The following ACAP1 variants were observed in gnomAD, a reference collection of about 807,000 sequenced individuals.
ACAP1 encodes arf-GAP with coiled-coil, ANK repeat and PH domain-containing protein 1.
ACAP1 carries 45 observed loss-of-function variants against 98.8 expected under a neutral mutation model. The observed-to-expected ratio is 0.46, with a 90% CI of 0.36 to 0.58. ACAP1 has a LOEUF of 0.58. Ranked by LOEUF, ACAP1 falls within the 20% of genes least tolerant of loss-of-function variation. The pLI is 0.00. For missense variants in ACAP1, 735 were observed against 971.4 expected (o/e 0.76, Z 3.24); for synonymous variants, 362 against 375.3 (o/e 0.96, Z 0.41).
At position 7,343,418 on chromosome 17, in the gene ACAP1, G is replaced by C. The variant is rs1207831242; in HGVS notation, c.384G>C (p.Trp128Cys). ...TCCGAGAGGCTCGCCGGGATTTCTGGCGGGGGGCTGAGAGCCTGGAGGCTG... is the reference window on the plus strand; with the variant it reads ...TCCGAGAGGCTCGCCGGGATTTCTGCCGGGGGGCTGAGAGCCTGGAGGCTG... ...RGFREARRDF[W>C]RGAESLEAAL... Residue 128 changes from tryptophan (W) to cysteine (C), a missense_variant, in exon 6 of 22, where the codon TGG (tryptophan) becomes TGC (cysteine). Trp to Cys is a radical substitution (Grantham distance 215). Around this residue, in one of 5 missense-constraint regions of ACAP1, gnomAD observed 430 missense variants for 531.8 expected, o/e 0.81. Coordinates refer to ENST00000158762, the MANE Select transcript of ACAP1 (RefSeq NM_014716.4). The surrounding 1 kb of genome is among the most constrained non-coding windows in gnomAD (Gnocchi z 4.9). The C allele has an allele frequency of 6.2e-7, 1 of 1,613,816 alleles. No homozygotes were observed. Among genetic ancestry groups the C allele is most frequent in the Admixed American group, 1.7e-5 (1 of 59,962 alleles).
In ACAP1 at chr17:7,344,076, C is replaced by T. The variant is rs971965782; in HGVS notation, c.697C>T (p.Arg233Ter). ...GCACCAGCTGGTCTTGAATTCAGCACGAGAGAAGAGGGACATGGAGCAGAG... is the reference window on the plus strand; with the variant it reads ...GCACCAGCTGGTCTTGAATTCAGCATGAGAGAAGAGGGACATGGAGCAGAG... ...QLHQLVLNSAREKRDMEQRHV... is the reference protein window; with the variant it reads ...QLHQLVLNSA Residue 233 changes from arginine (R) to a stop codon, truncating the protein, a stop_gained, in exon 9 of 22, where the codon CGA (arginine) becomes TGA (stop). Coordinates refer to ENST00000158762, the MANE Select transcript of ACAP1 (RefSeq NM_014716.4). LOFTEE classifies it high-confidence loss of function. The surrounding 1 kb of genome is among the most constrained non-coding windows in gnomAD (Gnocchi z 4.9). 12 of 1,592,888 alleles carry T rather than the reference C, an allele frequency of 7.5e-6. No homozygotes were observed. Among genetic ancestry groups the T allele is most frequent in the Non-Finnish European group, 1.0e-5 (12 of 1,169,172 alleles).
At position 7,350,252 on chromosome 17, in the gene ACAP1, A is replaced by G. The variant is rs768596770; in HGVS notation, c.2072+15A>G. On this transcript the variant is annotated intron_variant, in intron 20 of 21. Coordinates refer to ENST00000158762, the MANE Select transcript of ACAP1 (RefSeq NM_014716.4). This position sits in a 1 kb window ranked among gnomAD's most constrained non-coding sequence, Gnocchi z 4.6. ...ATCGTCACCCTGTAAGAATGCCTGAAGGGGCGGGGCTGGCGCTGGGACTCC... is the reference window on the plus strand; with the variant it reads ...ATCGTCACCCTGTAAGAATGCCTGAGGGGGCGGGGCTGGCGCTGGGACTCC... 5.7e-5 allele frequency: 91 copies of G among 1,594,132 alleles called. No individual in the cohort carries two copies. Among genetic ancestry groups the G allele is most frequent in the Admixed American group, 8.4e-5 (5 of 59,488 alleles).
intron 2 of ACAP1, among the ~76,000 whole-genome samples, chr17:7,341,185 C>CT (rs2073273385): frequency 6.6e-6 from 1 of 152,244 alleles, no homozygotes; most frequent in South Asian, 2.1e-4. Context: ...GAGTCTCGGT[C>CT]TGTCACCCAG....
chr17:7,342,590 A>C (rs562164993), intron 5 of ACAP1, 116 bp downstream of exon 5: 6 of 1,173,152 alleles, frequency 5.1e-6, no homozygotes, highest in Admixed American at 4.1e-5. Context: ...ACATGGCGAA[A>C]CTGTCTCCAC....
At chr17:7,342,100 G>C (rs780442141) in intron 3 of ACAP1, 33 bp downstream of exon 3, 2 of 1,611,928 alleles carry the variant, frequency 1.2e-6, no homozygotes, top group Admixed American at 1.7e-5. Context: ...GGAGGGAAGG[G>C]GTCTGGGATG....
intron 21 of ACAP1, 73 bp downstream of exon 21, chr17:7,351,072 C>G: frequency 8.5e-6 from 12 of 1,419,412 alleles, no homozygotes; most frequent in Non-Finnish European, 1.2e-5. Context: ...GGTGACCTCT[C>G]TCCCTAGTGC....
At position 7,344,746 on chromosome 17, in the gene ACAP1, C is replaced by T. The variant is rs986453960; in HGVS notation, c.854+98C>T. The T allele has an allele frequency of 2.5e-6, 2 of 813,886 alleles. No homozygotes were observed. Among genetic ancestry groups the T allele is most frequent in the Non-Finnish European group, 4.0e-6 (2 of 498,778 alleles). 50.4% of individuals were successfully genotyped at this position (813,886 alleles called of 1,614,324 possible). The stretch of plus-strand genomic sequence containing the variant: ...CACTGCAAGGAAAAACAGACGAACC[C>T]CCCTGCCTCAGTAGAGTTTCATTCC... On this transcript the variant is annotated intron_variant, in intron 10 of 21. Transcript: ENST00000158762. The surrounding 1 kb of genome is among the most constrained non-coding windows in gnomAD (Gnocchi z 4.9).
chr17:7,348,383 G>C lies in ACAP1; in HGVS notation c.1586G>C (p.Arg529Pro). Residue 529 changes from arginine to proline, a missense_variant, in exon 17 of 22, where the codon CGA becomes CCA. Physicochemically the swap from Arg to Pro is moderately radical, Grantham distance 103. Coordinates refer to ENST00000158762, the MANE Select transcript of ACAP1 (RefSeq NM_014716.4). Reference sequence around the variant, plus strand: ...ACCAAGCTGCCTGAGATTCGAGGGCGAAGAGGTGGCCGGGGGCGCCCAAGG... The same window carrying C: ...ACCAAGCTGCCTGAGATTCGAGGGCCAAGAGGTGGCCGGGGGCGCCCAAGG... The part of the protein sequence containing the change: ...FLTKLPEIRG[R>P]RGGRGRPRGQ... 6.4e-7 allele frequency: 1 copy of C among 1,570,302 alleles called. No homozygotes were observed. Among genetic ancestry groups the C allele is most frequent in the East Asian group, 2.3e-5 (1 of 44,254 alleles).
chr17:7,351,286 C>G lies in ACAP1; in HGVS notation c.2123-9C>G. 6.2e-7 allele frequency: 1 copy of G among 1,609,624 alleles called. No individual in the cohort carries two copies. The highest frequency in any genetic ancestry group is 1.1e-5 in the South Asian group (1 of 90,606). On this transcript the variant is annotated splice_polypyrimidine_tract_variant and intron_variant, in intron 21 of 21. Transcript: ENST00000158762. ...CCAGCCGCCTCCCGGCCTTTCCTCC[C>G]TCCCCCAGGAGATGAGACGTATCTT...
chr17:7,350,110 C>T lies in ACAP1; in HGVS notation c.1962-17C>T. The T allele has an allele frequency of 6.2e-7, 1 of 1,613,826 alleles. No homozygotes were observed. Among genetic ancestry groups the T allele is most frequent in the Non-Finnish European group, 8.5e-7 (1 of 1,179,722 alleles). On this transcript the variant is annotated splice_polypyrimidine_tract_variant and intron_variant, in intron 19 of 21. Coordinates refer to ENST00000158762, the MANE Select transcript of ACAP1 (RefSeq NM_014716.4). The surrounding 1 kb of genome is among the most constrained non-coding windows in gnomAD (Gnocchi z 4.6). ...GGAGAAGTTGGGCGGCCGGCTGACCCTGGCTCTTCTCTCCAGGCTCGCCTG... is the reference window on the plus strand; with the variant it reads ...GGAGAAGTTGGGCGGCCGGCTGACCTTGGCTCTTCTCTCCAGGCTCGCCTG...
rs552789478 is a variant in ACAP1 at position 7,348,732 on chromosome 17, C to T, written c.1678+257C>T. The T allele has an allele frequency of 5.4e-5, 31 of 577,660 alleles. No homozygotes were observed. In the East Asian group the frequency reaches 8.5e-4, roughly 16 times the overall value. The allele number at this position is 577,660 out of a possible 1,614,324, so 35.8% of individuals were successfully genotyped here. On this transcript the variant is annotated intron_variant, in intron 17 of 21. Transcript: ENST00000158762. ...AGAGAGGGGGTGGGTTTGGCTGGAGCGTCAGGGGTTGAGAGCTGAGGCCAA... is the reference window on the plus strand; with the variant it reads ...AGAGAGGGGGTGGGTTTGGCTGGAGTGTCAGGGGTTGAGAGCTGAGGCCAA...
intron 2 of ACAP1, among the ~76,000 whole-genome samples, chr17:7,340,050 C>T (rs2073260620): frequency 6.6e-6 from 1 of 152,074 alleles, no homozygotes; most frequent in African/African-American, 2.4e-5. Context: ...TGCTTGAGGC[C>T]AGAAGCTCGA....
Position 7,347,094 on chromosome 17 carries a change from A to C in ACAP1, c.1195A>C (p.Arg399=). The change falls in exon 14 of 22, where the codon AGG becomes CGG. Residue 399 remains arginine (R), a synonymous_variant. Coordinates refer to ENST00000158762, the MANE Select transcript of ACAP1 (RefSeq NM_014716.4). ...TLGSGGMARG[R]EPGGVGHVVA... ...GGGCTCTGGTGGAATGGCCAGGGGA[A>C]GGGAGCCTGGGGGAGTCGGGCACGT... The C allele has an allele frequency of 6.2e-7, 1 of 1,613,060 alleles. No individual in the cohort carries two copies. Among genetic ancestry groups the C allele is most frequent in the Non-Finnish European group, 8.5e-7 (1 of 1,179,368 alleles).
intron 2 of ACAP1, among the ~76,000 whole-genome samples, chr17:7,338,579 A>T (rs1490748065): frequency 6.6e-6 from 1 of 151,982 alleles, no homozygotes; most frequent in Non-Finnish European, 1.5e-5. Context: ...TAATAATTTT[A>T]AACAATGGAC....
In ACAP1 at chr17:7,343,388, G is replaced by A. The variant is rs764591620; in HGVS notation, c.354G>A (p.Arg118=). The A allele has an allele frequency of 2.5e-6, 4 of 1,612,982 alleles. 1 individual carries two copies. In the Admixed American group the frequency reaches 5.0e-5, roughly 20 times the overall value. The change falls in exon 6 of 22, where the codon CGG becomes CGA. Residue 118 remains arginine, a synonymous_variant. Transcript: ENST00000158762. This position sits in a 1 kb window ranked among gnomAD's most constrained non-coding sequence, Gnocchi z 4.9. ...QIQTLVKEGL[R]GFREARRDFW... ...ATTTTCCCATCCTCAGAGGTCTGCGGGGTTTCCGAGAGGCTCGCCGGGATT... is the reference window on the plus strand; with the variant it reads ...ATTTTCCCATCCTCAGAGGTCTGCGAGGTTTCCGAGAGGCTCGCCGGGATT...
chr17:7,348,377 G>A lies in ACAP1; in HGVS notation c.1580G>A (p.Arg527Gln), dbSNP rs1451616831. The change falls in exon 17 of 22, where the codon CGA (arginine) becomes CAA (glutamine). Residue 527 changes from arginine to glutamine, a missense_variant. Coordinates refer to ENST00000158762, the MANE Select transcript of ACAP1 (RefSeq NM_014716.4). ...KKFLTKLPEI[R>Q]GRRGGRGRPR... is the part of the protein sequence containing the mutation. Reference sequence around the variant, plus strand: ...TTCCTGACCAAGCTGCCTGAGATTCGAGGGCGAAGAGGTGGCCGGGGGCGC... The same window carrying A: ...TTCCTGACCAAGCTGCCTGAGATTCAAGGGCGAAGAGGTGGCCGGGGGCGC... 7.6e-6 allele frequency: 12 copies of A among 1,570,484 alleles called. No individual in the cohort carries two copies. Among genetic ancestry groups the A allele is most frequent in the East Asian group, 4.5e-5 (2 of 44,274 alleles).
intron 18 of ACAP1, chr17:7,349,401 A>G: frequency 2.2e-6 from 1 of 460,962 alleles, no homozygotes; most frequent in East Asian, 3.7e-5. Context: ...TTTTTGAGAC[A>G]GTCTCGCTCT....
At chr17:7,342,388 C>T in intron 4 of ACAP1, 28 bp from the exon 5 acceptor site, 1 of 1,613,880 alleles carries the variant, frequency 6.2e-7, no homozygotes, top group African/African-American at 1.3e-5. Context: ...GGTCCTGACC[C>T]CAGTCTACCA....
At position 7,351,285 on chromosome 17, in the gene ACAP1, C is replaced by T. The variant is rs1211789105; in HGVS notation, c.2123-10C>T. 2 of 1,608,572 alleles carry T rather than the reference C, an allele frequency of 1.2e-6. No homozygotes were observed. The highest frequency in any genetic ancestry group is 2.2e-5 in the South Asian group (2 of 90,536). On this transcript the variant is annotated splice_polypyrimidine_tract_variant and intron_variant, in intron 21 of 21. Transcript: ENST00000158762. ...CCCAGCCGCCTCCCGGCCTTTCCTC[C>T]CTCCCCCAGGAGATGAGACGTATCT...
Sources: gnomAD v4.1 joint callset for allele counts (sites outside exome capture counted in the v4.1 genomes callset) on GRCh38, gnomAD v4.1.1 for gene constraint, gnomAD v4.1.1 regional missense constraint, Gnocchi (gnomAD v3.1) non-coding constraint, MANE v1.5 for transcripts, NCBI Gene and HGNC (gene_info 2026-07-23, HGNC 2026-07-21) for gene names.